TTC28: variants seen among roughly 807,000 people sequenced by gnomAD.
TTC28 encodes the protein tetratricopeptide repeat domain 28, also known as tetratricopeptide repeat protein 28.
Under a neutral mutation model 198.0 loss-of-function variants are expected in TTC28, and 61 were observed. That is an observed-to-expected ratio of 0.31 (90% CI 0.25 to 0.38). TTC28 has a LOEUF of 0.38. Among genes scored for constraint, TTC28 ranks in the 10% least tolerant of loss-of-function variants. The probability of loss-of-function intolerance (pLI) is 1.00; values close to 1 mark genes in which losing one functional copy is unlikely to be tolerated. For missense variants in TTC28, 2,678 were observed against 3,164.0 expected (o/e 0.85, Z 3.69); for synonymous variants, 1,171 against 1,297.8 (o/e 0.90, Z 2.10).
At chr22:28,593,374 C>T (rs1237419216) in intron 2 of TTC28, among the ~76,000 whole-genome samples, 1 of 152,114 alleles carries the variant, frequency 6.6e-6, no homozygotes, top group African/African-American at 2.4e-5. Context: ...AAACTTATTC[C>T]CAAAATATTT....
At chr22:28,236,088 A>G (rs1455641939) in intron 5 of TTC28, among the ~76,000 whole-genome samples, 1 of 152,132 alleles carries the variant, frequency 6.6e-6, no homozygotes, top group African/African-American at 2.4e-5. Context: ...AATGCCTCGT[A>G]ATGATTACAT....
chr22:28,242,689 C>T (rs939804330), intron 5 of TTC28, among the ~76,000 whole-genome samples: 1 of 151,976 alleles, frequency 6.6e-6, no homozygotes, highest in Non-Finnish European at 1.5e-5. Context: ...ATGTATATAT[C>T]TTTGTTATAA....
intron 5 of TTC28, among the ~76,000 whole-genome samples, chr22:28,201,660 A>G (rs1185408661): frequency 6.6e-6 from 1 of 150,768 alleles, no homozygotes; most frequent in African/African-American, 2.4e-5. Flanking sequence ...CAGCCAGGGG[A>G]GTTCTCAAAA....
At chr22:28,131,728 A>C (rs1260950797) in intron 6 of TTC28, among the ~76,000 whole-genome samples, 1 of 152,160 alleles carries the variant, frequency 6.6e-6, no homozygotes, top group African/African-American at 2.4e-5. Flanking sequence ...CAGTTTCTTC[A>C]TCTGTAAAAT....
At chr22:28,525,374 A>C (rs2048987404) in intron 2 of TTC28, among the ~76,000 whole-genome samples, 1 of 152,102 alleles carries the variant, frequency 6.6e-6, no homozygotes, top group Non-Finnish European at 1.5e-5. Flanking sequence ...GGCTAGTCTC[A>C]AACACCTGAG....
intron 9 of TTC28, 145 bp from the exon 10 acceptor site, chr22:28,099,189 G>A (rs947430506): frequency 2.5e-6 from 3 of 1,178,026 alleles, no homozygotes; most frequent in African/African-American, 1.5e-5. Flanking sequence ...ATGTCCAGGT[G>A]TAAGGAAAAA....
At chr22:28,430,137 A>T (rs1358274556) in intron 2 of TTC28, among the ~76,000 whole-genome samples, 2 of 150,460 alleles carry the variant, frequency 1.3e-5, no homozygotes, top group Non-Finnish European at 3.0e-5. Flanking sequence ...GAAAAGCTGT[A>T]ATGTCCATTC....
intron 5 of TTC28, among the ~76,000 whole-genome samples, chr22:28,171,014 A>G (rs1374065185): frequency 2.0e-5 from 3 of 149,978 alleles, no homozygotes; most frequent in Non-Finnish European, 4.4e-5. Context: ...TTGGCCAAGG[A>G]AAAGCATGCA....
At chr22:28,505,141 C>T (rs1892089286) in intron 2 of TTC28, among the ~76,000 whole-genome samples, 1 of 150,968 alleles carries the variant, frequency 6.6e-6, no homozygotes, top group African/African-American at 2.4e-5. Context: ...CCTGTAATCC[C>T]AGCTACTCGG....
chr22:28,499,137 C>T (rs1312226840), intron 2 of TTC28, among the ~76,000 whole-genome samples: 1 of 152,088 alleles, frequency 6.6e-6, no homozygotes, highest in Non-Finnish European at 1.5e-5. Context: ...ATGATTGTAC[C>T]ACTACACTCA....
chr22:28,062,755 C>T (rs1940602579), intron 12 of TTC28, among the ~76,000 whole-genome samples: 1 of 152,074 alleles, frequency 6.6e-6, no homozygotes, highest in African/African-American at 2.4e-5. Context: ...TTTAGAATTT[C>T]CATTGTGTTC....
intron 2 of TTC28, among the ~76,000 whole-genome samples, chr22:28,363,632 A>T (rs892873679): frequency 6.6e-6 from 1 of 152,186 alleles, no homozygotes; most frequent in African/African-American, 2.4e-5. Context: ...CAGACACTCA[A>T]TGCCAGCCCA....
intron 12 of TTC28, among the ~76,000 whole-genome samples, chr22:28,067,884 C>A (rs574286660): frequency 6.6e-6 from 1 of 152,140 alleles, no homozygotes; most frequent in Non-Finnish European, 1.5e-5. Context: ...TGCTTCTTAG[C>A]CCATTTTGAT....
At chr22:28,401,922 T>A (rs1022258570) in intron 2 of TTC28, among the ~76,000 whole-genome samples, 1 of 151,816 alleles carries the variant, frequency 6.6e-6, no homozygotes, top group Non-Finnish European at 1.5e-5. Context: ...ACAACTGCTA[T>A]GTTTCAGACA....
intron 5 of TTC28, among the ~76,000 whole-genome samples, chr22:28,266,308 T>C (rs1601551655): frequency 6.6e-6 from 1 of 152,264 alleles, no homozygotes; most frequent in East Asian, 1.9e-4. Flanking sequence ...AGCAAGTTTA[T>C]TACTTTCTCA....
rs1942147352 is a variant in TTC28, at chr22:28,101,371, TTTTG to T, written c.3308-95_3308-92del. The stretch of plus-strand genomic sequence containing the variant: ...CTGAAGGGTCATTTTACTTTTGTGT[TTTTG>T]TTTGTTTTGAGACAGGGTCTCACTC... On this transcript the variant is annotated intron_variant, in intron 8 of 22. Transcript: ENST00000397906. 8 of 1,112,904 alleles carry T rather than the reference TTTTG, an allele frequency of 7.2e-6. No homozygotes were observed. The East Asian group carries it at 1.1e-4, about 15-fold the overall frequency. 68.9% of individuals were successfully genotyped at this position (1,112,904 alleles called of 1,614,324 possible).
intron 2 of TTC28, among the ~76,000 whole-genome samples, chr22:28,601,442 T>C (rs866666877): frequency 2.0e-5 from 3 of 152,190 alleles, no homozygotes; most frequent in Admixed American, 6.5e-5. Flanking sequence ...ACTGAACATA[T>C]AGACTTCTTT....
chr22:28,043,307 T>C (rs1195452316), intron 12 of TTC28, among the ~76,000 whole-genome samples: 1 of 147,846 alleles, frequency 6.8e-6, no homozygotes, highest in Non-Finnish European at 1.5e-5. Flanking sequence ...GGGTCACATA[T>C]GGTGACCATC....
intron 6 of TTC28, among the ~76,000 whole-genome samples, chr22:28,122,612 T>C (rs568835787): frequency 6.6e-6 from 1 of 152,314 alleles, no homozygotes; most frequent in Non-Finnish European, 1.5e-5. Context: ...TTTACATTAC[T>C]GAAATCATAT....
Sources: gnomAD v4.1 joint callset for allele counts (sites outside exome capture counted in the v4.1 genomes callset) on GRCh38, gnomAD v4.1.1 for gene constraint, MANE v1.5 for transcripts, NCBI Gene and HGNC (gene_info 2026-07-23, HGNC 2026-07-21) for gene names.